The following PDLIM4 variants were observed in gnomAD, a reference collection of about 807,000 sequenced individuals.
PDLIM4 encodes the protein PDZ and LIM domain protein 4.
A neutral mutation model predicts 31.3 loss-of-function variants in PDLIM4; 19 were observed. That is an observed-to-expected ratio of 0.61 (90% CI 0.42 to 0.89). The LOEUF (loss-of-function observed/expected upper bound fraction) is 0.89. PDLIM4 is among the 40% of genes least tolerant of loss of function. The probability of loss-of-function intolerance (pLI) is 0.00; values close to 1 mark genes in which losing one functional copy is unlikely to be tolerated. For missense variants in PDLIM4, 442 were observed against 461.1 expected (o/e 0.96, Z 0.38); for synonymous variants, 176 against 190.1 (o/e 0.93, Z 0.61).
chr5:132,267,121 G>A (rs1756508613), intron 3 of PDLIM4, among the ~76,000 whole-genome samples: 3 of 152,162 alleles, frequency 2.0e-5, no homozygotes, highest in Admixed American at 2.0e-4. Context: ...GCTATTCTAG[G>A]GCCTTGTTTT....
chr5:132,266,940 A>G (rs1397095940), intron 3 of PDLIM4, among the ~76,000 whole-genome samples: 1 of 152,200 alleles, frequency 6.6e-6, no homozygotes, highest in East Asian at 1.9e-4. Context: ...GAGTGACCTC[A>G]GGCTATGGGA....
At chr5:132,271,204 C>T (rs893472420) in intron 4 of PDLIM4, 99 bp from the exon 5 acceptor site, 1 of 1,487,334 alleles carries the variant, frequency 6.7e-7, no homozygotes, top group Non-Finnish European at 9.2e-7. Context: ...TGGGTCTTAG[C>T]TGGTTGCATT....
chr5:132,271,262 G>A lies in PDLIM4; in HGVS notation c.507-41G>A, dbSNP rs112932481. The A allele has an allele frequency of 1.8e-4, 283 of 1,565,276 alleles. 2 individuals are homozygous for A. In the African/African-American group the frequency reaches 3.2e-3, roughly 18 times the overall value. On this transcript the variant is annotated intron_variant, in intron 4 of 6. Coordinates refer to ENST00000253754, the MANE Select transcript of PDLIM4 (RefSeq NM_003687.4). ...CCCCAAGTCCACAGGGTGAAGGCTG[G>A]AACTGCATCCCTTCCTCCTCTATTT...
chr5:132,268,943 G>A (rs184089871), intron 3 of PDLIM4, among the ~76,000 whole-genome samples: 34 of 152,280 alleles, frequency 2.2e-4, no homozygotes, highest in Admixed American at 2.0e-3. Context: ...ACAGGACTGG[G>A]GGCCCAGGAA....
chr5:132,264,162 C>G (rs1756439717), intron 2 of PDLIM4, among the ~76,000 whole-genome samples: 1 of 152,154 alleles, frequency 6.6e-6, no homozygotes, highest in African/African-American at 2.4e-5. Flanking sequence ...CAGAGGGGGC[C>G]TGAGTCAGGA....
At chr5:132,269,088 A>C (rs1756551363) in intron 3 of PDLIM4, among the ~76,000 whole-genome samples, 1 of 152,200 alleles carries the variant, frequency 6.6e-6, no homozygotes. Flanking sequence ...AAACAGGTTC[A>C]GAGAGGTGAA....
intron 3 of PDLIM4, chr5:132,270,567 A>G: frequency 3.0e-6 from 1 of 331,374 alleles, no homozygotes; most frequent in Non-Finnish European, 5.6e-6. Context: ...AGCCACACAG[A>G]CCTTAGGCTT....
chr5:132,258,005 C>T (rs1232643179), intron 1 of PDLIM4, among the ~76,000 whole-genome samples, 178 bp downstream of exon 1: 3 of 152,204 alleles, frequency 2.0e-5, no homozygotes, highest in Non-Finnish European at 4.4e-5. Flanking sequence ...CAGCCGCCCT[C>T]CTCCCACGCT....
chr5:132,259,474 G>C (rs1269113688), intron 1 of PDLIM4, among the ~76,000 whole-genome samples: 2 of 152,158 alleles, frequency 1.3e-5, no homozygotes, highest in African/African-American at 4.8e-5. Context: ...TTGCCAGGAA[G>C]AGCCTCCTTT....
At chr5:132,269,408 T>C (rs270622) in intron 3 of PDLIM4, among the ~76,000 whole-genome samples, 31,858 of 150,802 alleles carry the variant, frequency 0.21, 5,405 homozygotes, top group African/African-American at 0.45. Context: ...GCCTGCATGC[T>C]TGCCCGACAG....
At chr5:132,268,217 C>G (rs1561522613) in intron 3 of PDLIM4, among the ~76,000 whole-genome samples, 1 of 152,242 alleles carries the variant, frequency 6.6e-6, no homozygotes, top group Non-Finnish European at 1.5e-5. Context: ...TGCTGCCCCA[C>G]TTTTGTACTT....
intron 3 of PDLIM4, among the ~76,000 whole-genome samples, chr5:132,268,768 G>A (rs375530828): frequency 3.9e-5 from 6 of 152,266 alleles, no homozygotes; most frequent in African/African-American, 1.4e-4. Flanking sequence ...CTGCTCATCT[G>A]GACTCAGCGC....
chr5:132,269,039 G>T (rs377653510), intron 3 of PDLIM4, among the ~76,000 whole-genome samples: 15 of 152,240 alleles, frequency 9.9e-5, no homozygotes, highest in Non-Finnish European at 2.1e-4. Flanking sequence ...CAAGGAACCT[G>T]ATGTGGAAAG....
At chr5:132,259,080 G>A (rs1235234299) in intron 1 of PDLIM4, among the ~76,000 whole-genome samples, 1 of 152,068 alleles carries the variant, frequency 6.6e-6, no homozygotes, top group Non-Finnish European at 1.5e-5. Flanking sequence ...GGCCGAGTGA[G>A]GTGGGCCTTC....
intron 2 of PDLIM4, among the ~76,000 whole-genome samples, chr5:132,264,591 C>CATCTCCAGCCT (rs1554080038): frequency 6.6e-6 from 1 of 152,020 alleles, no homozygotes; most frequent in Non-Finnish European, 1.5e-5. Flanking sequence ...CTGCAGCCCC[C>CATCTCCAGCCT]TCACACATGC....
In PDLIM4 at chr5:132,266,559, C is replaced by T; in HGVS notation, c.327+14C>T. The T allele has an allele frequency of 6.3e-7, 1 of 1,584,456 alleles. No homozygotes were observed. Among genetic ancestry groups the T allele is most frequent in the Middle Eastern group, 1.7e-4 (1 of 5,966 alleles). On this transcript the variant is annotated intron_variant, in intron 3 of 6. Transcript: ENST00000253754. ...CCTGAGATCCAGGTATGTACAGACA[C>T]TGCCTGGCCTGGCCTGGCTCAGAGT...
chr5:132,266,802 C>G (rs1012085816), intron 3 of PDLIM4: 1 of 366,734 alleles, frequency 2.7e-6, no homozygotes, highest in Non-Finnish European at 5.0e-6. Flanking sequence ...TGTCCAGGAT[C>G]TGGGCTAGGC....
chr5:132,271,584 CG>C (rs1561524032), intron 5 of PDLIM4, 118 bp downstream of exon 5: 2 of 1,141,708 alleles, frequency 1.8e-6, no homozygotes, highest in South Asian at 2.6e-5. Context: ...CTCTGCGGCC[CG>C]GTCCCACGCC....
rs993227419 is a variant in PDLIM4, at chr5:132,270,800, G to A, written c.328-115G>A. 6 of 903,682 alleles carry A rather than the reference G, an allele frequency of 6.6e-6. No individual in the cohort carries two copies. The East Asian group carries it at 1.5e-4, about 22-fold the overall frequency. 56.0% of individuals were successfully genotyped at this position (903,682 alleles called of 1,614,324 possible). ...ACCACAGGCCAGAGATGCCGAAGCA[G>A]AGGAAGCCAACTGACATCCACCACC... On this transcript the variant is annotated intron_variant, in intron 3 of 6. Coordinates refer to ENST00000253754, the MANE Select transcript of PDLIM4 (RefSeq NM_003687.4).
Sources: allele counts gnomAD v4.1 joint callset (sites outside exome capture counted in the v4.1 genomes callset), GRCh38; gene constraint gnomAD v4.1.1; transcripts MANE v1.5; gene names NCBI Gene and HGNC (gene_info 2026-07-23, HGNC 2026-07-21).